Variants in CYLD observed in about 807,000 individuals in gnomAD.
CYLD encodes CYLD lysine 63 deubiquitinase.
A neutral mutation model predicts 104.5 loss-of-function variants in CYLD; 26 were observed. That is an observed-to-expected ratio of 0.25 (90% CI 0.18 to 0.35). CYLD has a LOEUF of 0.35. Ranked by LOEUF, CYLD falls within the 10% of genes least tolerant of loss-of-function variation. The pLI, the probability that CYLD is intolerant of heterozygous loss-of-function variation, is 1.00. For synonymous variants in CYLD, 385 were observed against 399.9 expected (o/e 0.96, Z 0.45); for missense variants, 703 against 1,136.1 (o/e 0.62, Z 5.48).
At chr16:50,786,624 G>A (rs1597072283) in intron 12 of CYLD, 5 of 446,862 alleles carry the variant, frequency 1.1e-5, no homozygotes, top group South Asian at 2.4e-5. Context: ...GCTGGATGTG[G>A]TGGTGCACGC....
At chr16:50,751,271 A>T (rs1212978965) in intron 3 of CYLD, among the ~76,000 whole-genome samples, 4 of 152,244 alleles carry the variant, frequency 2.6e-5, no homozygotes, top group African/African-American at 9.6e-5. Flanking sequence ...ATAAGTGCTT[A>T]ATGAATGGAG....
chr16:50,763,323 T>C (rs1256246005), intron 5 of CYLD, among the ~76,000 whole-genome samples: 1 of 152,230 alleles, frequency 6.6e-6, no homozygotes, highest in African/African-American at 2.4e-5. Context: ...ATAATGCTGC[T>C]ACAAACATGC....
rs761669240 is a variant in CYLD at position 50,782,338 on chromosome 16, C to T, written c.1698C>T (p.Tyr566=). 5 of 1,610,156 alleles carry T rather than the reference C, an allele frequency of 3.1e-6. No homozygotes were observed. In the East Asian group the frequency reaches 8.9e-5, roughly 29 times the overall value. Residue 566 remains tyrosine (Y), a synonymous_variant, in exon 11 of 19, where the codon TAC becomes TAT. Coordinates refer to ENST00000427738, the MANE Select transcript of CYLD (RefSeq NM_001378743.1). ...ERCNSLAFGG[Y]LSEVVEENTP... is the part of the protein sequence containing the mutation. ...AAATCTTTTCAGCATTTGGAGGCTACTTAAGTGAAGTAGTAGAAGAAAATA... is the reference window on the plus strand; with the variant it reads ...AAATCTTTTCAGCATTTGGAGGCTATTTAAGTGAAGTAGTAGAAGAAAATA...
chr16:50,783,119 C>T lies in CYLD; in HGVS notation c.1826+653C>T, dbSNP rs148497330. 7.2e-3 allele frequency among the ~76,000 whole-genome samples: 1,094 copies of T among 151,770 alleles called. 18 individuals are homozygous for T. The highest frequency in any genetic ancestry group is 0.024 in the African/African-American group (1,011 of 41,390). On this transcript the variant is annotated intron_variant, in intron 11 of 18. Coordinates refer to ENST00000427738, the MANE Select transcript of CYLD (RefSeq NM_001378743.1). ...TTCTTTTTTGTATTTTCAGTAGAGA[C>T]GGGGGTTTCACCACGTTGGCCAGGC...
intron 2 of CYLD, among the ~76,000 whole-genome samples, chr16:50,745,395 T>C (rs560876127): frequency 1.8e-4 from 21 of 118,296 alleles, no homozygotes; most frequent in South Asian, 1.6e-3. Context: ...TGAGACCAGG[T>C]CTTGCTCTGT....
chr16:50,750,802 G>A (rs1966559647), intron 3 of CYLD, among the ~76,000 whole-genome samples: 1 of 151,980 alleles, frequency 6.6e-6, no homozygotes, highest in African/African-American at 2.4e-5. Flanking sequence ...AGGTTTCTTA[G>A]TTCTTCTTAA....
chr16:50,801,783 T>A lies in CYLD; in HGVS notation c.*5275T>A, dbSNP rs753515238. 8.6e-6 allele frequency: 2 copies of A among 233,278 alleles called. No homozygotes were observed. The highest frequency in any genetic ancestry group is 2.2e-5 in the African/African-American group (1 of 45,324). 14.5% of individuals were successfully genotyped at this position (233,278 alleles called of 1,614,324 possible). On this transcript the variant is annotated 3_prime_UTR_variant, in exon 19 of 19. Transcript: ENST00000427738. ...ATCCTATATTTATGAGAACATTCTT[T>A]AAGAAGACCACCACATAGAATACCC...
At position 50,781,556 on chromosome 16, in the gene CYLD, T is replaced by C. The variant is rs1006747177; in HGVS notation, c.1684+145T>C. 5 of 1,078,360 alleles carry C rather than the reference T, an allele frequency of 4.6e-6. No homozygotes were observed. In the African/African-American group the frequency reaches 6.3e-5, roughly 14 times the overall value. The allele number at this position is 1,078,360 out of a possible 1,614,324, so 66.8% of individuals were successfully genotyped here. ...GCTTTAAATCAGTAAAAATGTTGCA[T>C]GGTGTATAAGAAAGTTGTTTTAAGA... is the stretch of plus-strand genomic sequence containing the variant. On this transcript the variant is annotated intron_variant, in intron 10 of 18. Transcript: ENST00000427738.
At chr16:50,767,793 C>T (rs975190227) in intron 5 of CYLD, among the ~76,000 whole-genome samples, 2 of 152,138 alleles carry the variant, frequency 1.3e-5, no homozygotes, top group Non-Finnish European at 2.9e-5. Flanking sequence ...GTATTTCCTT[C>T]TGTCTATTTT....
At chr16:50,767,538 G>T (rs1364650573) in intron 5 of CYLD, among the ~76,000 whole-genome samples, 2 of 149,462 alleles carry the variant, frequency 1.3e-5, no homozygotes, top group East Asian at 3.9e-4. Flanking sequence ...AAGCATTTTA[G>T]ATTGAAAGTA....
In CYLD at chr16:50,793,574, G is replaced by T; in HGVS notation, c.2379G>T (p.Gly793=). The T allele has an allele frequency of 6.2e-7, 1 of 1,613,780 alleles. No individual in the cohort carries two copies. The highest frequency in any genetic ancestry group is 8.5e-7 in the Non-Finnish European group (1 of 1,179,774). The change falls in exon 17 of 19, where the codon GGG becomes GGT. Residue 793 remains glycine, a synonymous_variant. Coordinates refer to ENST00000427738, the MANE Select transcript of CYLD (RefSeq NM_001378743.1). ...DTPRQCRICG[G]LAMYECRECY... ...CCAGACAGTGCCGGATATGTGGAGG[G>T]CTTGCAATGTATGAGTGTAGAGAAT...
In CYLD at chr16:50,755,024, CATATATATGTATATATACAT is replaced by C. The variant is rs1454313841; in HGVS notation, c.913+607_913+626del. Among the ~76,000 whole-genome samples the C allele has an allele frequency of 1.8e-4, 17 of 96,584 alleles. 2 individuals are homozygous for C. The highest frequency in any genetic ancestry group is 6.5e-4 in the African/African-American group (16 of 24,578). 63.4% of individuals were successfully genotyped at this position (96,584 alleles called of 152,430 possible). On this transcript the variant is annotated intron_variant, in intron 5 of 18. Transcript: ENST00000427738. ...ATATATACATATATATGTATATATA[CATATATATGTATATATACAT>C]ATATATGTATATATACATATAGATA...
intron 5 of CYLD, among the ~76,000 whole-genome samples, chr16:50,774,546 A>G (rs929398840): frequency 3.9e-5 from 6 of 152,222 alleles, no homozygotes; most frequent in African/African-American, 1.2e-4. Flanking sequence ...ATTAAGTAAA[A>G]TAAGGGTGAC....
Position 50,780,745 on chromosome 16 carries a change from C to A in CYLD, c.1519-501C>A, listed in dbSNP as rs549674095. ...TGTTGCCCAGGCTGGTCTCAAACTC[C>A]TGGACTCAAGTGATCTGCCCGCCTT... On this transcript the variant is annotated intron_variant, in intron 9 of 18. Transcript: ENST00000427738. Among the ~76,000 whole-genome samples, 27 of 152,208 alleles carry A rather than the reference C, an allele frequency of 1.8e-4. 1 individual carries two copies. In the South Asian group the frequency reaches 5.6e-3, roughly 32 times the overall value.
chr16:50,769,544 T>C (rs926746573), intron 5 of CYLD, among the ~76,000 whole-genome samples: 2 of 152,216 alleles, frequency 1.3e-5, no homozygotes, highest in African/African-American at 4.8e-5. Context: ...TTGAGAGTTA[T>C]TTATAAATTT....
intron 5 of CYLD, among the ~76,000 whole-genome samples, chr16:50,756,141 T>G (rs2150924738): frequency 6.6e-6 from 1 of 152,358 alleles, no homozygotes; most frequent in African/African-American, 2.4e-5. Context: ...TACCCTCAAA[T>G]GAAAATAATT....
chr16:50,801,778 T>C lies in CYLD; in HGVS notation c.*5270T>C, dbSNP rs1423398579. 4.3e-6 allele frequency: 1 copy of C among 233,216 alleles called. No individual in the cohort carries two copies. Among genetic ancestry groups the C allele is most frequent in the African/African-American group, 2.2e-5 (1 of 45,310 alleles). The allele number at this position is 233,216 out of a possible 1,614,324, so 14.4% of individuals were successfully genotyped here. The stretch of plus-strand genomic sequence containing the variant: ...AGAACATCCTATATTTATGAGAACA[T>C]TCTTTAAGAAGACCACCACATAGAA... On this transcript the variant is annotated 3_prime_UTR_variant, in exon 19 of 19. Transcript: ENST00000427738.
rs1268979650 is a variant in CYLD, at chr16:50,778,995, G to C, written c.1139-670G>C. On this transcript the variant is annotated intron_variant, in intron 8 of 18. Coordinates refer to ENST00000427738, the MANE Select transcript of CYLD (RefSeq NM_001378743.1). ...TTGGCTGTGGCTCTCTTTATCATGTGTTTGGTTTCTCTTAAATTACATTCT... is the reference window on the plus strand; with the variant it reads ...TTGGCTGTGGCTCTCTTTATCATGTCTTTGGTTTCTCTTAAATTACATTCT... 3.3e-5 allele frequency among the ~76,000 whole-genome samples: 5 copies of C among 152,142 alleles called. No individual in the cohort carries two copies. The East Asian group carries it at 9.6e-4, about 29-fold the overall frequency.
In CYLD at chr16:50,770,519, C is replaced by T. The variant is rs112944439; in HGVS notation, c.914-4647C>T. ...AGGCTGGAGTATAGTGGCGTGATCT[C>T]GGCTCACTGTAACCTCCACCTCCTG... is the stretch of plus-strand genomic sequence containing the variant. On this transcript the variant is annotated intron_variant, in intron 5 of 18. Transcript: ENST00000427738. Among the ~76,000 whole-genome samples, 10 of 150,310 alleles carry T rather than the reference C, an allele frequency of 6.7e-5. 1 individual carries two copies. Among genetic ancestry groups the T allele is most frequent in the African/African-American group, 2.2e-4 (9 of 40,866 alleles).
Sources: allele counts gnomAD v4.1 joint callset (sites outside exome capture counted in the v4.1 genomes callset), GRCh38; gene constraint gnomAD v4.1.1; transcripts MANE v1.5; gene names NCBI Gene and HGNC (gene_info 2026-07-23, HGNC 2026-07-21).